The following OSBP2 variants were observed in gnomAD, a reference collection of about 807,000 sequenced individuals.
OSBP2 encodes oxysterol-binding protein 2.
Under a neutral mutation model 96.0 loss-of-function variants are expected in OSBP2, and 66 were observed. The ratio of observed to expected loss-of-function variants is 0.69; its 90% CI spans 0.56 to 0.84. The LOEUF is 0.84. OSBP2 is among the 40% of genes least tolerant of loss of function. The pLI, the probability that OSBP2 is intolerant of heterozygous loss-of-function variation, is 0.00. For missense variants in OSBP2, 1,038 were observed against 1,222.7 expected, an observed-to-expected ratio of 0.85 and a Z score of 2.25; for synonymous variants, 525 against 520.9, an observed-to-expected ratio of 1.01 and a Z score of -0.11.
At chr22:30,847,384 C>A (rs1216334888) in intron 2 of OSBP2, among the ~76,000 whole-genome samples, 1 of 152,076 alleles carries the variant, frequency 6.6e-6, no homozygotes, top group Non-Finnish European at 1.5e-5. Context: ...CAGGTTCAAG[C>A]AATTCTTTTG....
At chr22:30,737,683 T>A (rs2089876645) in intron 1 of OSBP2, among the ~76,000 whole-genome samples, 1 of 151,828 alleles carries the variant, frequency 6.6e-6, no homozygotes, top group Non-Finnish European at 1.5e-5. Context: ...AGGCCCACAA[T>A]GTTCACTGTC....
chr22:30,735,282 C>G (rs774360493), intron 1 of OSBP2, among the ~76,000 whole-genome samples: 1 of 152,138 alleles, frequency 6.6e-6, no homozygotes, highest in Non-Finnish European at 1.5e-5. Flanking sequence ...ACTAGAAAAA[C>G]TAATCTGCTA....
intron 2 of OSBP2, among the ~76,000 whole-genome samples, chr22:30,815,645 C>T (rs557328031): frequency 6.6e-6 from 1 of 152,296 alleles, no homozygotes; most frequent in East Asian, 1.9e-4. Flanking sequence ...ACTTGTATTT[C>T]CTGTGTTTGG....
intron 1 of OSBP2, among the ~76,000 whole-genome samples, chr22:30,707,884 T>A (rs933073211): frequency 1.3e-4 from 19 of 151,666 alleles, no homozygotes; most frequent in Non-Finnish European, 2.2e-4. Context: ...TCAGCCCCAT[T>A]TCTTTTTTCT....
At chr22:30,800,515 A>G (rs2090835034) in intron 2 of OSBP2, among the ~76,000 whole-genome samples, 1 of 152,130 alleles carries the variant, frequency 6.6e-6, no homozygotes, top group Admixed American at 6.5e-5. Context: ...TTTGCTTTAG[A>G]TTTGACAGCA....
At chr22:30,814,881 C>G (rs2091062645) in intron 2 of OSBP2, among the ~76,000 whole-genome samples, 1 of 152,214 alleles carries the variant, frequency 6.6e-6, no homozygotes, top group Non-Finnish European at 1.5e-5. Flanking sequence ...CTCAGAGAGG[C>G]TTCTGTACTT....
intron 2 of OSBP2, among the ~76,000 whole-genome samples, chr22:30,741,620 C>T (rs2089938106): frequency 6.6e-6 from 1 of 152,106 alleles, no homozygotes; most frequent in African/African-American, 2.4e-5. Context: ...TTTCTTTGGG[C>T]TAGTCAGGAC....
At chr22:30,820,757 G>A (rs951911496) in intron 2 of OSBP2, among the ~76,000 whole-genome samples, 7 of 152,220 alleles carry the variant, frequency 4.6e-5, no homozygotes, top group African/African-American at 4.8e-5. Context: ...TTCCATCACT[G>A]TGGTGCTCTT....
chr22:30,889,511 G>A lies in OSBP2; in HGVS notation c.1498G>A (p.Val500Met), dbSNP rs200532645. Residue 500 changes from valine to methionine, a missense_variant, in exon 7 of 14, where the codon GTG becomes ATG. Physicochemically the swap from Val to Met is conservative, Grantham distance 21 (BLOSUM62 1). Around this residue, in one of 3 missense-constraint regions of OSBP2, gnomAD observed 737 missense variants for 913.3 expected, o/e 0.81. Transcript: ENST00000332585. ...ADNVLDGASL[V>M]PKGSSKVKRR... ...GCAGGTACTAGATGGTGCCTCGCTC[G>A]TGCCCAAGGGTTCATCCAAAGTCAA... 126 of 1,614,088 alleles carry A rather than the reference G, an allele frequency of 7.8e-5. No homozygotes were observed. Among genetic ancestry groups the A allele is most frequent in the Non-Finnish European group, 9.6e-5 (113 of 1,180,018 alleles).
At chr22:30,750,158 C>T (rs2090055830) in intron 2 of OSBP2, among the ~76,000 whole-genome samples, 1 of 152,182 alleles carries the variant, frequency 6.6e-6, no homozygotes, top group Non-Finnish European at 1.5e-5. Context: ...GTGGACAGAA[C>T]AGTGGGCCCA....
At chr22:30,879,207 G>A (rs182697278) in intron 3 of OSBP2, among the ~76,000 whole-genome samples, 5 of 152,326 alleles carry the variant, frequency 3.3e-5, no homozygotes, top group Non-Finnish European at 7.4e-5. Flanking sequence ...TTGTCCCTCC[G>A]GGGCCTGTGG....
chr22:30,822,755 G>A (rs1418790193), intron 2 of OSBP2: 1 of 1,442,164 alleles, frequency 6.9e-7, no homozygotes, highest in Non-Finnish European at 9.3e-7. Context: ...CAGGCTCCCC[G>A]CGCATGCACG....
intron 12 of OSBP2, among the ~76,000 whole-genome samples, chr22:30,897,787 TA>T (rs2040097535): frequency 6.6e-6 from 1 of 151,988 alleles, no homozygotes; most frequent in Non-Finnish European, 1.5e-5. Flanking sequence ...CTGTTTCTAC[TA>T]AAAATACAAA....
chr22:30,725,195 AAC>A (rs1226550543), intron 1 of OSBP2, among the ~76,000 whole-genome samples: 1 of 87,650 alleles, frequency 1.1e-5, no homozygotes, highest in Non-Finnish European at 2.6e-5. Context: ...AAAACAAAAA[AAC>A]AAAAAAAAAA....
intron 1 of OSBP2, among the ~76,000 whole-genome samples, chr22:30,720,242 T>G: frequency 6.6e-6 from 1 of 152,212 alleles, no homozygotes; most frequent in African/African-American, 2.4e-5. Context: ...AAGCATTATC[T>G]CATTGTTTCC....
chr22:30,862,843 G>A (rs5997794), intron 2 of OSBP2, among the ~76,000 whole-genome samples: 30 of 147,660 alleles, frequency 2.0e-4, no homozygotes, highest in African/African-American at 7.3e-4. Flanking sequence ...TGTGGTGGCG[G>A]GCGCCTGTAA....
At chr22:30,872,525 C>A in intron 3 of OSBP2, 1 of 378,296 alleles carries the variant, frequency 2.6e-6, no homozygotes, top group African/African-American at 2.1e-5. Flanking sequence ...TTATGAGAAG[C>A]ACAACCCCCT....
intron 2 of OSBP2, among the ~76,000 whole-genome samples, chr22:30,790,653 TAA>T (rs136297): frequency 2.0e-3 from 280 of 136,858 alleles, no homozygotes; most frequent in Middle Eastern, 7.5e-3. Context: ...CAAACTGCAT[TAA>T]AAAAAAAAAA....
intron 2 of OSBP2, among the ~76,000 whole-genome samples, chr22:30,788,404 G>A (rs2090626167): frequency 6.6e-6 from 1 of 152,170 alleles, no homozygotes; most frequent in Admixed American, 6.5e-5. Context: ...AGAGAGGCCA[G>A]CCATTTGCAA....
Sources: allele counts gnomAD v4.1 joint callset (sites outside exome capture counted in the v4.1 genomes callset), GRCh38; gene constraint gnomAD v4.1.1; regional missense constraint gnomAD v4.1.1; transcripts MANE v1.5; gene names NCBI Gene and HGNC (gene_info 2026-07-23, HGNC 2026-07-21).